ANO10: variants seen among roughly 807,000 people sequenced by gnomAD.
ANO10 encodes anoctamin-10.
ANO10 carries 77 observed loss-of-function variants against 74.7 expected under a neutral mutation model. The ratio of observed to expected loss-of-function variants is 1.03; its 90% CI spans 0.86 to 1.25. ANO10 has a LOEUF of 1.25. ANO10 is among the 50% of genes most tolerant of loss of function. The pLI, the probability that ANO10 is intolerant of heterozygous loss-of-function variation, is 0.00. For missense variants in ANO10, 721 were observed against 778.1 expected (o/e 0.93, Z 0.87); for synonymous variants, 279 against 284.9 (o/e 0.98, Z 0.21).
chr3:43,546,646 A>T (rs941094237), intron 11 of ANO10, among the ~76,000 whole-genome samples: 13 of 148,228 alleles, frequency 8.8e-5, no homozygotes, highest in African/African-American at 2.0e-4. Flanking sequence ...AATAGAAATT[A>T]AAAAAAAAAA....
At chr3:43,561,164 T>C in intron 9 of ANO10, 56 bp downstream of exon 9, 1 of 1,573,330 alleles carries the variant, frequency 6.4e-7, no homozygotes, top group South Asian at 1.1e-5. Flanking sequence ...TTGAACTCAG[T>C]GCATGGCTAT....
chr3:43,577,895 T>C (rs2081088030), intron 5 of ANO10, among the ~76,000 whole-genome samples: 2 of 152,152 alleles, frequency 1.3e-5, no homozygotes, highest in African/African-American at 4.8e-5. Context: ...CCAAGCAACA[T>C]GACTGCTAAT....
intron 12 of ANO10, among the ~76,000 whole-genome samples, chr3:43,426,418 AAGGGTCCTACACCTAATTTG>A (rs1326193712): frequency 6.6e-6 from 1 of 152,218 alleles, no homozygotes; most frequent in Non-Finnish European, 1.5e-5. Flanking sequence ...CTGTCTAGTT[AAGGGTCCTACACCTAATTTG>A]AGGCCCCTGA....
intron 1 of ANO10, among the ~76,000 whole-genome samples, chr3:43,632,298 G>A (rs1406609028): frequency 6.6e-6 from 1 of 152,162 alleles, no homozygotes; most frequent in Admixed American, 6.5e-5. Context: ...GTTCCTGATT[G>A]GGTTCAGTTA....
In ANO10 at chr3:43,366,660, T is replaced by C. The variant is rs73831273; in HGVS notation, c.*246A>G. ...AGCAAAGTTGGCAGCTGGAGCAGCG[T>C]GTGGGGCCCGGGAAGGAACTGGGAA... On this transcript the variant is annotated 3_prime_UTR_variant, in exon 13 of 13. Coordinates refer to ENST00000292246, the MANE Select transcript of ANO10 (RefSeq NM_018075.5). The C allele has an allele frequency of 8.8e-3, 5,065 of 577,122 alleles. 210 individuals are homozygous for C. The highest frequency in any genetic ancestry group is 0.083 in the African/African-American group (4,441 of 53,304). The allele number at this position is 577,122 out of a possible 1,614,324, so 35.8% of individuals were successfully genotyped here.
intron 11 of ANO10, among the ~76,000 whole-genome samples, chr3:43,456,420 C>A (rs1361927802): frequency 6.6e-6 from 1 of 152,182 alleles, no homozygotes; most frequent in East Asian, 1.9e-4. Flanking sequence ...CACAAAGAAG[C>A]AAACACAACG....
At chr3:43,647,579 C>T (rs967396805) in intron 1 of ANO10, among the ~76,000 whole-genome samples, 1 of 152,210 alleles carries the variant, frequency 6.6e-6, no homozygotes, top group Non-Finnish European at 1.5e-5. Context: ...CTCTCAGGCA[C>T]ACCCAGAAAT....
rs765592794 is a variant in ANO10 at position 43,600,383 on chromosome 3, C to T, written c.337+1G>A. The T allele has an allele frequency of 5.1e-5, 83 of 1,613,780 alleles. No homozygotes were observed. Among genetic ancestry groups the T allele is most frequent in the Non-Finnish European group, 6.6e-5 (78 of 1,179,834 alleles). On this transcript the variant is annotated splice_donor_variant, in intron 3 of 12. Transcript: ENST00000292246. LOFTEE classifies it high-confidence loss of function. ...ACAGAGACAAAGAACTTAGGGCTTACCATCAAAACCTTTGAAGTTCTGTCT... is the reference window on the plus strand; with the variant it reads ...ACAGAGACAAAGAACTTAGGGCTTATCATCAAAACCTTTGAAGTTCTGTCT...
At chr3:43,655,636 G>A (rs1438844890) in intron 1 of ANO10, among the ~76,000 whole-genome samples, 1 of 152,144 alleles carries the variant, frequency 6.6e-6, no homozygotes, top group Non-Finnish European at 1.5e-5. Context: ...TAGACATAAA[G>A]GTTCTCCACC....
chr3:43,640,759 A>G (rs2083663461), intron 1 of ANO10, among the ~76,000 whole-genome samples: 1 of 152,234 alleles, frequency 6.6e-6, no homozygotes, highest in African/African-American at 2.4e-5. Context: ...GAGGAACCTA[A>G]TGAATAATTA....
intron 11 of ANO10, among the ~76,000 whole-genome samples, chr3:43,450,673 A>C (rs1459138374): frequency 6.6e-6 from 1 of 152,244 alleles, no homozygotes; most frequent in Non-Finnish European, 1.5e-5. Context: ...AAATCAAGTG[A>C]CAAACCTGAA....
At chr3:43,669,738 T>G (rs1383398135) in intron 1 of ANO10, among the ~76,000 whole-genome samples, 1 of 151,980 alleles carries the variant, frequency 6.6e-6, no homozygotes, top group Non-Finnish European at 1.5e-5. Context: ...ATTTATTTAT[T>G]TATTTAGAAA....
At chr3:43,376,565 G>A (rs774749279) in intron 12 of ANO10, among the ~76,000 whole-genome samples, 5 of 152,154 alleles carry the variant, frequency 3.3e-5, no homozygotes, top group Non-Finnish European at 5.9e-5. Flanking sequence ...GTGTGTTATG[G>A]CAACATAGGT....
chr3:43,384,278 A>G (rs981765229), intron 12 of ANO10, among the ~76,000 whole-genome samples: 1 of 152,238 alleles, frequency 6.6e-6, no homozygotes, highest in Non-Finnish European at 1.5e-5. Context: ...GAAATCACAG[A>G]TGACACAAAC....
intron 2 of ANO10, among the ~76,000 whole-genome samples, chr3:43,601,371 AT>A (rs2082331258): frequency 6.6e-6 from 1 of 151,986 alleles, no homozygotes; most frequent in Admixed American, 6.5e-5. Flanking sequence ...ACACCAAGCT[AT>A]TTTTTGTAGA....
intron 11 of ANO10, among the ~76,000 whole-genome samples, chr3:43,480,468 A>G (rs2076225667): frequency 6.6e-6 from 1 of 152,316 alleles, no homozygotes; most frequent in Non-Finnish European, 1.5e-5. Flanking sequence ...CGTGTAAAGG[A>G]TCAGGGGTCA....
chr3:43,474,254 G>A (rs1262346003), intron 11 of ANO10, among the ~76,000 whole-genome samples: 1 of 136,216 alleles, frequency 7.3e-6, no homozygotes, highest in Non-Finnish European at 1.5e-5. Flanking sequence ...CACATTAGAA[G>A]ATTGTCAGCT....
intron 7 of ANO10, among the ~76,000 whole-genome samples, chr3:43,566,054 G>A (rs2080314267): frequency 1.3e-5 from 2 of 152,192 alleles, no homozygotes; most frequent in African/African-American, 4.8e-5. Context: ...TTCCCTTTCT[G>A]AGTCAAAGAA....
intron 12 of ANO10, among the ~76,000 whole-genome samples, chr3:43,413,723 T>A (rs1012317532): frequency 2.0e-5 from 3 of 150,274 alleles, no homozygotes; most frequent in Non-Finnish European, 3.0e-5. Flanking sequence ...TAGTTTATGA[T>A]CATCAACAGC....
Sources: gnomAD v4.1 joint callset for allele counts (sites outside exome capture counted in the v4.1 genomes callset) on GRCh38, gnomAD v4.1.1 for gene constraint, MANE v1.5 for transcripts, NCBI Gene and HGNC (gene_info 2026-07-23, HGNC 2026-07-21) for gene names.